Variants in LCP2 observed in about 807,000 individuals in gnomAD.
LCP2 encodes lymphocyte cytosolic protein 2.
Under a neutral mutation model 74.5 loss-of-function variants are expected in LCP2, and 29 were observed. The ratio of observed to expected loss-of-function variants is 0.39; its 90% CI spans 0.29 to 0.53. LCP2 has a LOEUF of 0.53. LCP2 is among the 20% of genes least tolerant of loss of function. The pLI, the probability that LCP2 is intolerant of heterozygous loss-of-function variation, is 0.72. For missense variants in LCP2, 604 were observed against 634.6 expected, an observed-to-expected ratio of 0.95 and a Z score of 0.52; for synonymous variants, 228 against 229.5, an observed-to-expected ratio of 0.99 and a Z score of 0.06.
chr5:170,248,581 G>T lies in LCP2; in HGVS notation c.*116C>A. 9.6e-7 allele frequency: 1 copy of T among 1,039,240 alleles called. No homozygotes were observed. The highest frequency in any genetic ancestry group is 1.4e-6 in the Non-Finnish European group (1 of 690,426). 64.4% of individuals were successfully genotyped at this position (1,039,240 alleles called of 1,614,324 possible). Reference sequence around the variant, plus strand: ...TTTTAAAGGAAAGGATAAAACCCTTGTGTTCATGGGGAGGGGTTCAGTTCA... The same window carrying T: ...TTTTAAAGGAAAGGATAAAACCCTTTTGTTCATGGGGAGGGGTTCAGTTCA... On this transcript the variant is annotated 3_prime_UTR_variant, in exon 21 of 21. Transcript: ENST00000046794.
chr5:170,288,376 C>G (rs1762221365), intron 2 of LCP2, among the ~76,000 whole-genome samples: 1 of 152,186 alleles, frequency 6.6e-6, no homozygotes, highest in African/African-American at 2.4e-5. Context: ...GTTAGGACCT[C>G]TTCCCTACAC....
rs192710264 is a variant in LCP2, at chr5:170,266,962, G to A, written c.688+47C>T. On this transcript the variant is annotated intron_variant, in intron 9 of 20. Coordinates refer to ENST00000046794, the MANE Select transcript of LCP2 (RefSeq NM_005565.5). ...GGCTGGGGGTTGGGCGGGGCTAGGG[G>A]AGTGCCTGGTGGGAACAGGGCAAGA... is the stretch of plus-strand genomic sequence containing the variant. 1.9e-5 allele frequency: 31 copies of A among 1,609,898 alleles called. No homozygotes were observed. In the African/African-American group the frequency reaches 3.6e-4, roughly 19 times the overall value.
At chr5:170,260,053 C>T (rs1483346858) in intron 14 of LCP2, among the ~76,000 whole-genome samples, 1 of 152,192 alleles carries the variant, frequency 6.6e-6, no homozygotes, top group African/African-American at 2.4e-5. Context: ...GCACTGGTAT[C>T]CACCTGCTCA....
intron 3 of LCP2, among the ~76,000 whole-genome samples, chr5:170,280,618 C>A (rs1034909724): frequency 6.6e-6 from 1 of 152,196 alleles, no homozygotes. Context: ...TCACCCATGT[C>A]CCCTACCCCT....
rs544913277 is a variant in LCP2, at chr5:170,247,104, G to C, written c.*1593C>G. On this transcript the variant is annotated 3_prime_UTR_variant, in exon 21 of 21. Transcript: ENST00000046794. ...AAAGCAAGACAAGTGGAGCTTACTCGATACTAGAACCTATGGTGTATGCTA... is the reference window on the plus strand; with the variant it reads ...AAAGCAAGACAAGTGGAGCTTACTCCATACTAGAACCTATGGTGTATGCTA... 3 of 152,182 alleles carry C rather than the reference G, an allele frequency of 2.0e-5. No individual in the cohort carries two copies. Among genetic ancestry groups the C allele is most frequent in the Non-Finnish European group, 4.4e-5 (3 of 68,020 alleles). The allele number at this position is 152,182 out of a possible 1,614,324, so 9.4% of individuals were successfully genotyped here.
At chr5:170,281,449 GT>G (rs1356282210) in intron 3 of LCP2, among the ~76,000 whole-genome samples, 3 of 151,980 alleles carry the variant, frequency 2.0e-5, no homozygotes, top group Non-Finnish European at 4.4e-5. Flanking sequence ...TCGGCTAATT[GT>G]TTTGTATTTT....
At chr5:170,255,828 AG>A (rs1414796961) in intron 17 of LCP2, among the ~76,000 whole-genome samples, 2 of 152,250 alleles carry the variant, frequency 1.3e-5, no homozygotes, top group Non-Finnish European at 2.9e-5. Context: ...CACAATTCCC[AG>A]GTGATCTATA....
intron 8 of LCP2, among the ~76,000 whole-genome samples, chr5:170,267,948 G>T (rs1239661530): frequency 1.3e-5 from 2 of 152,108 alleles, no homozygotes; most frequent in Non-Finnish European, 2.9e-5. Flanking sequence ...AGATTCACAA[G>T]GACCGGGCTG....
chr5:170,268,350 C>T (rs1356164044), intron 8 of LCP2, 35 bp downstream of exon 8: 3 of 311,776 alleles, frequency 9.6e-6, no homozygotes, highest in African/African-American at 2.2e-5. Flanking sequence ...CTGCAGTGGA[C>T]ACCAAGTACT....
intron 6 of LCP2, among the ~76,000 whole-genome samples, chr5:170,272,733 C>T (rs529570582): frequency 2.0e-5 from 3 of 149,492 alleles, no homozygotes; most frequent in South Asian, 2.1e-4. Flanking sequence ...CTGCCTCAGC[C>T]GCCCAAGTAG....
At position 170,270,765 on chromosome 5, in the gene LCP2, G is replaced by A; in HGVS notation, c.477C>T (p.Ser159=). 1 of 1,596,504 alleles carries A rather than the reference G, an allele frequency of 6.3e-7. No homozygotes were observed. The highest frequency in any genetic ancestry group is 1.1e-5 in the South Asian group (1 of 87,754). The part of the protein sequence containing the change: ...PSNDEEALQN[S]ILPAKPFPNS... Reference sequence around the variant, plus strand: ...TGGGGAAAGGCTTGGCAGGCAGGATGGAGTTCTGCAGAGCTTCCTCGTCAT... The same window carrying A: ...TGGGGAAAGGCTTGGCAGGCAGGATAGAGTTCTGCAGAGCTTCCTCGTCAT... The change falls in exon 7 of 21, where the codon TCC becomes TCT. Residue 159 remains serine (S), a synonymous_variant. Transcript: ENST00000046794.
rs1405256833 is a variant in LCP2, at chr5:170,257,283, C to T, written c.1101-708G>A. ...AGCAGACAAGGGCAGCAGATGCCAG[C>T]GGGAAGAGGGAGAAGAGCAGCAGAA... On this transcript the variant is annotated intron_variant, in intron 16 of 20. Transcript: ENST00000046794. Among the ~76,000 whole-genome samples the T allele has an allele frequency of 1.4e-4, 22 of 152,050 alleles. 1 individual carries two copies. The highest frequency in any genetic ancestry group is 2.9e-4 in the Non-Finnish European group (20 of 68,018).
chr5:170,287,898 A>T, intron 3 of LCP2, 72 bp downstream of exon 3: 1 of 1,383,186 alleles, frequency 7.2e-7, no homozygotes, highest in Non-Finnish European at 1.0e-6. Flanking sequence ...GAACTGACCC[A>T]GCCCCCACTC....
chr5:170,291,625 G>C (rs1561979434), intron 2 of LCP2, among the ~76,000 whole-genome samples: 3 of 152,188 alleles, frequency 2.0e-5, no homozygotes, highest in South Asian at 2.1e-4. Context: ...CTCGCACCAG[G>C]ACTGTTGTGG....
At chr5:170,268,195 G>A (rs1485772279) in intron 8 of LCP2, among the ~76,000 whole-genome samples, 190 bp downstream of exon 8, 1 of 152,094 alleles carries the variant, frequency 6.6e-6, no homozygotes, top group Non-Finnish European at 1.5e-5. Flanking sequence ...AAAACCACCA[G>A]TATTTTACCC....
In LCP2 at chr5:170,263,003, C is replaced by T. The variant is rs1339444228; in HGVS notation, c.773-11G>A. On this transcript the variant is annotated splice_polypyrimidine_tract_variant and intron_variant, in intron 10 of 20. Coordinates refer to ENST00000046794, the MANE Select transcript of LCP2 (RefSeq NM_005565.5). ...ATGGTGGTTTCTTTCCTGTAAATGA[C>T]AGAGAGCAGATGGGCCATGAGTTCA... 1.9e-6 allele frequency: 3 copies of T among 1,613,558 alleles called. No homozygotes were observed. The highest frequency in any genetic ancestry group is 2.5e-6 in the Non-Finnish European group (3 of 1,179,736).
chr5:170,259,416 C>T (rs955714481), intron 14 of LCP2, among the ~76,000 whole-genome samples: 29 of 152,162 alleles, frequency 1.9e-4, no homozygotes, highest in African/African-American at 5.8e-4. Context: ...TATACGGTGG[C>T]TTACAAGGTT....
At chr5:170,293,211 G>A (rs534445226) in intron 2 of LCP2, 99 bp downstream of exon 2, 49 of 1,166,924 alleles carry the variant, frequency 4.2e-5, no homozygotes, top group East Asian at 2.8e-4. Context: ...AGGGATCCTC[G>A]GGTGTCCCCA....
At position 170,266,808 on chromosome 5, in the gene LCP2, C is replaced by G. The variant is rs745569476; in HGVS notation, c.772G>C (p.Gly258Arg). 6.2e-7 allele frequency: 1 copy of G among 1,612,164 alleles called. No homozygotes were observed. The highest frequency in any genetic ancestry group is 8.5e-7 in the Non-Finnish European group (1 of 1,178,224). ...TGCATTAAATGTGAATCATACCCAC[C>G]TAGTGTGAAGGGTTCTCTATCAAAC... ...APFDREPFTLGKKPPFSDKPS... is the reference protein window; with the variant it reads ...APFDREPFTLRKKPPFSDKPS... The change falls in exon 10 of 21, where the codon GGA becomes CGA. Residue 258 changes from glycine to arginine, a missense_variant and splice_region_variant. Coordinates refer to ENST00000046794, the MANE Select transcript of LCP2 (RefSeq NM_005565.5).
Sources: gnomAD v4.1 joint callset for allele counts (sites outside exome capture counted in the v4.1 genomes callset) on GRCh38, gnomAD v4.1.1 for gene constraint, MANE v1.5 for transcripts, NCBI Gene and HGNC (gene_info 2026-07-23, HGNC 2026-07-21) for gene names.